The following EMC3 variants were observed in gnomAD, a reference collection of about 807,000 sequenced individuals.
EMC3 encodes the protein 30 kDa protein.
Under a neutral mutation model 36.6 loss-of-function variants are expected in EMC3, and 13 were observed. That is an observed-to-expected ratio of 0.35 (90% CI 0.23 to 0.56). EMC3 has a LOEUF of 0.56. Among genes scored for constraint, EMC3 ranks in the 20% least tolerant of loss-of-function variants. The pLI, the probability that EMC3 is intolerant of heterozygous loss-of-function variation, is 0.84. For missense variants in EMC3, 220 were observed against 324.5 expected, an observed-to-expected ratio of 0.68 and a Z score of 2.47; for synonymous variants, 120 against 111.9, an observed-to-expected ratio of 1.07 and a Z score of -0.46.
At chr3:10,007,277 T>A (rs756057929) in intron 1 of EMC3, 6 of 1,247,554 alleles carry the variant, frequency 4.8e-6, no homozygotes, top group Non-Finnish European at 6.2e-6. Context: ...TTCCCCACAC[T>A]CACACTACCT....
intron 1 of EMC3, among the ~76,000 whole-genome samples, chr3:9,993,642 A>G (rs2086083021): frequency 6.6e-6 from 1 of 152,374 alleles, no homozygotes; most frequent in South Asian, 2.1e-4. Context: ...CCAATAAAGC[A>G]TTATACCCAG....
intron 1 of EMC3, among the ~76,000 whole-genome samples, chr3:9,993,677 T>A (rs781869): frequency 0.86 from 118,249 of 137,678 alleles, 49,451 homozygotes; most frequent in South Asian, 0.9. Flanking sequence ...TAAGATTTTT[T>A]AAAATTATGG....
At chr3:10,006,291 C>G (rs2272122) in intron 1 of EMC3, 53,170 of 152,118 alleles carry the variant, frequency 0.35, 12,152 homozygotes, top group African/African-American at 0.65. Flanking sequence ...GAGATAGATG[C>G]CTTTGCATAC....
At chr3:10,007,714 A>C in intron 1 of EMC3, 2 of 1,245,256 alleles carry the variant, frequency 1.6e-6, no homozygotes, top group South Asian at 2.6e-5. Flanking sequence ...CTGGCAGTGA[A>C]TCTGTGGGTG....
At chr3:9,998,715 A>G (rs149584283) in intron 1 of EMC3, among the ~76,000 whole-genome samples, 246 of 152,068 alleles carry the variant, frequency 1.6e-3, no homozygotes, top group African/African-American at 5.5e-3. Context: ...GGCCATTTCT[A>G]TATTTTTGTA....
At chr3:9,977,509 G>A in intron 1 of EMC3, 63 bp from the exon 2 acceptor site, 1 of 1,483,854 alleles carries the variant, frequency 6.7e-7, no homozygotes, top group East Asian at 2.3e-5. Flanking sequence ...AAATGGGAGA[G>A]TCAAGTAGAA....
chr3:9,986,096 T>C (rs566393947), intron 1 of EMC3, among the ~76,000 whole-genome samples: 1 of 152,284 alleles, frequency 6.6e-6, no homozygotes, highest in South Asian at 2.1e-4. Context: ...TTTGGTAGAA[T>C]GCAGATTATC....
Position 9,969,713 on chromosome 3 carries a change from G to A in EMC3, c.657+6C>T, listed in dbSNP as rs772073042. The A allele has an allele frequency of 3.1e-6, 5 of 1,614,024 alleles. No homozygotes were observed. In the East Asian group the frequency reaches 6.7e-5, roughly 22 times the overall value. ...TGCTGCAGCTTTGAAAGGTGAAGGA[G>A]TATACCTTGAAAGCTTTGTTTGTGT... is the stretch of plus-strand genomic sequence containing the variant. On this transcript the variant is annotated splice_donor_region_variant and intron_variant, in intron 7 of 7. Coordinates refer to ENST00000245046, the MANE Select transcript of EMC3 (RefSeq NM_001394674.1).
intron 7 of EMC3, among the ~76,000 whole-genome samples, chr3:9,967,998 T>C (rs1189744957): frequency 1.3e-5 from 2 of 152,264 alleles, no homozygotes; most frequent in Non-Finnish European, 2.9e-5. Flanking sequence ...CTTGACTCAC[T>C]GCAACCTCTG....
At chr3:10,002,303 T>TGTTATGTTATGTTATGTTATGTTATGTTA (rs1335633229) in intron 1 of EMC3, among the ~76,000 whole-genome samples, 1 of 151,812 alleles carries the variant, frequency 6.6e-6, no homozygotes, top group African/African-American at 2.4e-5. Context: ...TTTTATTTTA[T>TGTTATGTTATGTTATGTTATGTTATGTTA]TTTGAGATAG....
chr3:9,987,688 ACT>A (rs2085994505), upstream of EMC3: 3 of 349,456 alleles, frequency 8.6e-6, no homozygotes, highest in African/African-American at 2.1e-5. Context: ...AGTTACATTT[ACT>A]CTTTCTGTGT....
upstream of EMC3, among the ~76,000 whole-genome samples, chr3:9,989,789 T>C (rs2086024508): frequency 6.6e-6 from 1 of 152,094 alleles, no homozygotes; most frequent in African/African-American, 2.4e-5. Context: ...ATTTGTATTC[T>C]TTTTTCTCAA....
intron 1 of EMC3, among the ~76,000 whole-genome samples, chr3:9,980,014 AT>A (rs775249109): frequency 5.1e-3 from 708 of 138,006 alleles, no homozygotes; most frequent in African/African-American, 0.011. Context: ...GTCTCACTGT[AT>A]TTTTTTTTTT....
At chr3:9,978,837 CAACAAAAAACAAACA>C (rs2085878580) in intron 1 of EMC3, among the ~76,000 whole-genome samples, 1 of 143,174 alleles carries the variant, frequency 7.0e-6, no homozygotes, top group African/African-American at 2.8e-5. Context: ...AAAACAACAA[CAACAAAAAACAAACA>C]AACAAACAAA....
chr3:9,970,001 C>A (rs962328779), intron 6 of EMC3, among the ~76,000 whole-genome samples, 200 bp from the exon 7 acceptor site: 39 of 152,288 alleles, frequency 2.6e-4, no homozygotes, highest in African/African-American at 9.1e-4. Flanking sequence ...AAAGAGAGAT[C>A]ACTAAAGGAA....
chr3:10,008,391 T>A (rs2086287483), intron 1 of EMC3: 1 of 1,367,260 alleles, frequency 7.3e-7, no homozygotes, highest in Non-Finnish European at 9.8e-7. Flanking sequence ...AGAAGGTCCT[T>A]TCAAGTGTCT....
rs891560596 is a variant in EMC3 at position 10,000,047 on chromosome 3, G to GT, written c.-242+10975dup. On this transcript the variant is annotated intron_variant, in intron 1 of 8. Coordinates refer to the EMC3 transcript ENST00000470827. ...GTTGTTGTTGTTTTTATTTTTTGGG[G>GT]TTTTTTTTGAGATGGAGTCTTGCTT... is the stretch of plus-strand genomic sequence containing the variant. Among the ~76,000 whole-genome samples the GT allele has an allele frequency of 7.2e-4, 109 of 151,652 alleles. 1 individual carries two copies. Among genetic ancestry groups the GT allele is most frequent in the Non-Finnish European group, 7.4e-4 (50 of 67,856 alleles).
upstream of EMC3, chr3:9,988,059 G>C: frequency 7.9e-6 from 5 of 630,048 alleles, no homozygotes; most frequent in Non-Finnish European, 1.5e-5. Flanking sequence ...GGATGTCACA[G>C]TTCTCTGACA....
At chr3:9,993,427 T>C (rs2086080133) in intron 1 of EMC3, among the ~76,000 whole-genome samples, 1 of 152,216 alleles carries the variant, frequency 6.6e-6, no homozygotes, top group African/African-American at 2.4e-5. Flanking sequence ...CTTAGAAAAC[T>C]GGATGGGCCA....
Sources: gnomAD v4.1 joint callset for allele counts (sites outside exome capture counted in the v4.1 genomes callset) on GRCh38, gnomAD v4.1.1 for gene constraint, MANE v1.5 for transcripts, NCBI Gene and HGNC (gene_info 2026-07-23, HGNC 2026-07-21) for gene names.